The following CDH26 variants were observed in gnomAD, a reference collection of about 807,000 sequenced individuals.
CDH26 encodes cadherin-like protein 26.
A neutral mutation model predicts 90.3 loss-of-function variants in CDH26; 83 were observed. The ratio of observed to expected loss-of-function variants is 0.92; its 90% CI spans 0.77 to 1.10. CDH26 has a LOEUF of 1.10. Among genes scored for constraint, CDH26 ranks in the 50% least tolerant of loss-of-function variants. The probability of loss-of-function intolerance (pLI) is 0.00; values close to 1 mark genes in which losing one functional copy is unlikely to be tolerated. For synonymous variants in CDH26, 397 were observed against 396.3 expected (o/e 1.00, Z -0.02); for missense variants, 1,013 against 1,037.6 (o/e 0.98, Z 0.33).
At chr20:60,003,950 G>A (rs995658485) in intron 16 of CDH26, among the ~76,000 whole-genome samples, 1 of 152,218 alleles carries the variant, frequency 6.6e-6, no homozygotes, top group African/African-American at 2.4e-5. Flanking sequence ...GCTGGAAACT[G>A]ACACGGCGTC....
At position 60,030,404 on chromosome 20, in the gene CDH26, TG is replaced by T. The variant is rs2062031478; in HGVS notation, c.948-826del. On this transcript the variant is annotated intron_variant, in intron 7 of 8. Coordinates refer to the CDH26 transcript ENST00000370991. The surrounding 1 kb of genome is among the most constrained non-coding windows in gnomAD (Gnocchi z 4.0). ...TTTTTTTGTTTGCTTTTTTTTGTTT[TG>T]TTTTGTTTTTGTTTTTTTCAGTATC... Among the ~76,000 whole-genome samples the T allele has an allele frequency of 6.6e-6, 1 of 152,180 alleles. No homozygotes were observed. Among genetic ancestry groups the T allele is most frequent in the African/African-American group, 2.4e-5 (1 of 41,430 alleles).
chr20:59,971,327 G>A (rs146539369), intron 3 of CDH26, among the ~76,000 whole-genome samples: 225 of 152,274 alleles, frequency 1.5e-3, no homozygotes, highest in African/African-American at 5.2e-3. Flanking sequence ...GTAAGTTAGA[G>A]ATTTTTAACG....
chr20:60,031,373 G>A (rs1305260420), exon 8 of CDH26: 1 of 1,265,528 alleles, frequency 7.9e-7, no homozygotes, highest in Non-Finnish European at 1.0e-6. Flanking sequence ...CGGAAACACG[G>A]GGCTTTGGCT....
chr20:59,961,239 C>A (rs1306326241), intron 1 of CDH26, among the ~76,000 whole-genome samples: 1 of 152,094 alleles, frequency 6.6e-6, no homozygotes, highest in African/African-American at 2.4e-5. Flanking sequence ...GAATTCTCTT[C>A]CCTCTGGCGT....
At chr20:60,033,805 G>GTGTGTGTA in exon 9 of CDH26, 2 of 1,141,624 alleles carry the variant, frequency 1.8e-6, no homozygotes, top group Non-Finnish European at 2.2e-6. Flanking sequence ...GTGTGTGTGT[G>GTGTGTGTA]ATCATGAAGA....
chr20:59,997,791 G>C (rs2146000516), intron 13 of CDH26, among the ~76,000 whole-genome samples: 1 of 152,352 alleles, frequency 6.6e-6, no homozygotes, highest in South Asian at 2.1e-4. Context: ...CAGACATTTA[G>C]GGAAAAGATA....
Position 59,994,386 on chromosome 20 carries a change from G to C in CDH26, c.1563G>C (p.Glu521Asp). 2.5e-6 allele frequency: 4 copies of C among 1,614,140 alleles called. No individual in the cohort carries two copies. The highest frequency in any genetic ancestry group is 3.4e-6 in the Non-Finnish European group (4 of 1,180,036). ...CTGTGCATGAGCCCCTCCACATCGA[G>C]GCAGAGGATCCGGACCTGGAGCCGT... is the stretch of plus-strand genomic sequence containing the variant. Reference protein sequence around the residue: ...ESAVHEPLHIEAEDPDLEPFS... With the variant: ...ESAVHEPLHIDAEDPDLEPFS... The change falls in exon 11 of 18, where the codon GAG becomes GAC. Residue 521 changes from glutamate (E) to aspartate (D), a missense_variant. Coordinates refer to ENST00000348616, the MANE Select transcript of CDH26 (RefSeq NM_177980.4).
rs1423223094 is a variant in CDH26 at position 59,977,793 on chromosome 20, C to A, written c.394-5130C>A. Among the ~76,000 whole-genome samples, 5 of 151,938 alleles carry A rather than the reference C, an allele frequency of 3.3e-5. No individual in the cohort carries two copies. In the South Asian group the frequency reaches 1.0e-3, roughly 32 times the overall value. On this transcript the variant is annotated intron_variant, in intron 4 of 17. Transcript: ENST00000348616. The stretch of plus-strand genomic sequence containing the variant: ...TATTTTACATGACTATTAACCAAAA[C>A]CCATAGTTTACATTAGGCTTCACTC...
At chr20:59,982,141 C>G (rs370550993) in intron 4 of CDH26, among the ~76,000 whole-genome samples, 6 of 152,050 alleles carry the variant, frequency 3.9e-5, no homozygotes, top group African/African-American at 9.7e-5. Context: ...TGATAATTCT[C>G]TCCGCTTCCT....
At chr20:60,011,061 A>G (rs2061832546) in intron 17 of CDH26, among the ~76,000 whole-genome samples, 1 of 152,170 alleles carries the variant, frequency 6.6e-6, no homozygotes, top group Non-Finnish European at 1.5e-5. Context: ...ACAAGAAATG[A>G]GTTTAGTGAA....
chr20:60,032,562 G>A (rs896634055), intron 8 of CDH26, among the ~76,000 whole-genome samples: 10 of 151,892 alleles, frequency 6.6e-5, no homozygotes, highest in Admixed American at 1.3e-4. Flanking sequence ...TGTTTATTGC[G>A]GCATTATTCA....
rs2061415226 is a variant in CDH26, at chr20:59,983,195, A to AT, written c.541+126dup. 3.5e-6 allele frequency: 4 copies of AT among 1,144,856 alleles called. No homozygotes were observed. The African/African-American group carries it at 6.3e-5, about 18-fold the overall frequency. 70.9% of individuals were successfully genotyped at this position (1,144,856 alleles called of 1,614,324 possible). On this transcript the variant is annotated intron_variant, in intron 5 of 17. Transcript: ENST00000348616. ...AGTTTTTACTGTTCACATCTCAAAGATCGCAGGCCTTGGATCTGAGCGAAA... is the reference window on the plus strand; with the variant it reads ...AGTTTTTACTGTTCACATCTCAAAGATTCGCAGGCCTTGGATCTGAGCGAAA...
chr20:59,963,155 TG>T (rs1244818713), intron 1 of CDH26, among the ~76,000 whole-genome samples: 1 of 151,874 alleles, frequency 6.6e-6, no homozygotes, highest in African/African-American at 2.4e-5. Flanking sequence ...TGTACGTATG[TG>T]GGGGTTGTGC....
chr20:60,001,357 G>T lies in CDH26; in HGVS notation c.2112G>T (p.Val704=). ...TTTCCCTCTAGGATCTCGAGGAAGT[G>T]CCTCCATCTGCAGCGAGTCAGTCAG... is the stretch of plus-strand genomic sequence containing the variant. ...PTQGVKDLEE[V]PPSAASQSAQ... Residue 704 remains valine, a synonymous_variant, in exon 15 of 18, where the codon GTG becomes GTT. Transcript: ENST00000348616. 1.9e-6 allele frequency: 3 copies of T among 1,613,990 alleles called. No individual in the cohort carries two copies. Among genetic ancestry groups the T allele is most frequent in the Non-Finnish European group, 2.5e-6 (3 of 1,180,020 alleles).
chr20:60,032,949 GTAAC>G (rs1221414686), intron 8 of CDH26, among the ~76,000 whole-genome samples: 2 of 151,842 alleles, frequency 1.3e-5, no homozygotes, highest in African/African-American at 2.4e-5. Context: ...GTATACATAT[GTAAC>G]TAACCTGCAC....
chr20:60,022,588 G>A (rs2061966717), intron 7 of CDH26, among the ~76,000 whole-genome samples: 2 of 152,280 alleles, frequency 1.3e-5, no homozygotes, highest in South Asian at 2.1e-4. Flanking sequence ...GCATAGCAAC[G>A]GTCCCCTCAA....
chr20:60,035,020 A>G (rs1481563175), downstream of CDH26, among the ~76,000 whole-genome samples: 2 of 152,220 alleles, frequency 1.3e-5, no homozygotes, highest in African/African-American at 4.8e-5. Flanking sequence ...ATAGAAATGC[A>G]TATCATTTAA....
Position 59,972,082 on chromosome 20 carries a change from G to A in CDH26, c.352G>A (p.Val118Ile), listed in dbSNP as rs1225190488. 2.5e-6 allele frequency: 4 copies of A among 1,614,088 alleles called. No homozygotes were observed. The highest frequency in any genetic ancestry group is 3.4e-6 in the Non-Finnish European group (4 of 1,179,992). The change falls in exon 4 of 18, where the codon GTT (valine) becomes ATT (isoleucine). Residue 118 changes from valine (V) to isoleucine (I), a missense_variant. Val to Ile is a conservative substitution (Grantham distance 29, BLOSUM62 3). Coordinates refer to ENST00000348616, the MANE Select transcript of CDH26 (RefSeq NM_177980.4). ...AGATCATGAGAACGGAAGGATATAT[G>A]TTCACCGCCCTGTCGATCGAGAAAT... ...LEDHENGRIYVHRPVDREMTP... is the reference protein window; with the variant it reads ...LEDHENGRIYIHRPVDREMTP...
intron 16 of CDH26, 99 bp downstream of exon 16, chr20:60,002,965 G>A: frequency 1.2e-6 from 1 of 837,690 alleles, no homozygotes; most frequent in Non-Finnish European, 1.8e-6. Flanking sequence ...GAAGGAAAGA[G>A]GTGATAAAAA....
Sources: gnomAD v4.1 joint callset for allele counts (sites outside exome capture counted in the v4.1 genomes callset) on GRCh38, gnomAD v4.1.1 for gene constraint, Gnocchi (gnomAD v3.1) non-coding constraint, MANE v1.5 for transcripts, NCBI Gene and HGNC (gene_info 2026-07-23, HGNC 2026-07-21) for gene names.